NKAIN2: variants seen among roughly 807,000 people sequenced by gnomAD.
NKAIN2 encodes sodium/potassium-transporting ATPase subunit beta-1-interacting protein 2.
In NKAIN2, 14 loss-of-function variants were observed where a neutral mutation model predicts 32.6. That is an observed-to-expected ratio of 0.43 (90% CI 0.28 to 0.67). NKAIN2 has a LOEUF of 0.67. Ranked by LOEUF, NKAIN2 falls within the 30% of genes least tolerant of loss-of-function variation. NKAIN2 has a pLI of 0.17. For synonymous variants in NKAIN2, 80 were observed against 87.2 expected, an observed-to-expected ratio of 0.92 and a Z score of 0.46; for missense variants, 198 against 258.3, an observed-to-expected ratio of 0.77 and a Z score of 1.60.
chr6:123,983,370 A>T (rs1035833551), intron 1 of NKAIN2, among the ~76,000 whole-genome samples: 3 of 152,020 alleles, frequency 2.0e-5, no homozygotes, highest in Non-Finnish European at 4.4e-5. Context: ...GTTAGATGGA[A>T]CTCTGATGAG....
intron 3 of NKAIN2, among the ~76,000 whole-genome samples, chr6:124,626,712 T>G (rs1360852225): frequency 6.6e-6 from 1 of 151,988 alleles, no homozygotes; most frequent in African/African-American, 2.4e-5. Context: ...GTGTTGGGGG[T>G]ATATTCAGGG....
intron 2 of NKAIN2, among the ~76,000 whole-genome samples, chr6:124,312,658 C>T (rs1057392724): frequency 1.3e-5 from 2 of 152,116 alleles, no homozygotes; most frequent in South Asian, 2.1e-4. Context: ...CTCTTCATAC[C>T]GTGTCCTCTT....
chr6:123,804,332 C>G, intron 1 of NKAIN2, 78 bp downstream of exon 1: 1 of 1,209,166 alleles, frequency 8.3e-7, no homozygotes, highest in Admixed American at 1.7e-5. Flanking sequence ...AAGGGTCTGC[C>G]ATTGACTAGA....
At chr6:124,216,324 ATT>A (rs1466628195) in intron 1 of NKAIN2, among the ~76,000 whole-genome samples, 1 of 152,130 alleles carries the variant, frequency 6.6e-6, no homozygotes, top group African/African-American at 2.4e-5. Context: ...GTCAATTTTT[ATT>A]GTTTGCTAAT....
rs578059034 is a variant in NKAIN2 at position 124,359,723 on chromosome 6, G to A, written c.273+4376G>A. The stretch of plus-strand genomic sequence containing the variant: ...TACAATGATGTCATCTGCGAACAGG[G>A]ACAATTTGACTTCCTCTTTTCCTAA... On this transcript the variant is annotated intron_variant, in intron 3 of 6. Coordinates refer to ENST00000368417, the MANE Select transcript of NKAIN2 (RefSeq NM_001040214.3). Among the ~76,000 whole-genome samples the A allele has an allele frequency of 5.8e-4, 88 of 152,220 alleles. No individual in the cohort carries two copies. The South Asian group carries it at 0.017, about 30-fold the overall frequency.
chr6:124,409,093 GC>G lies in NKAIN2; in HGVS notation c.273+53747del, dbSNP rs1562163923. On this transcript the variant is annotated intron_variant, in intron 3 of 6. Coordinates refer to ENST00000368417, the MANE Select transcript of NKAIN2 (RefSeq NM_001040214.3). ...GCCTATCAGCTTAAGGAGATTGTGGGCTGAGACAATGGGGTTTTCTAGATAT... is the reference window on the plus strand; with the variant it reads ...GCCTATCAGCTTAAGGAGATTGTGGGTGAGACAATGGGGTTTTCTAGATAT... Among the ~76,000 whole-genome samples, 4 of 152,290 alleles carry G rather than the reference GC, an allele frequency of 2.6e-5. No individual in the cohort carries two copies. The East Asian group carries it at 7.7e-4, about 29-fold the overall frequency.
chr6:124,765,781 A>G (rs1778488557), intron 4 of NKAIN2, among the ~76,000 whole-genome samples: 1 of 152,176 alleles, frequency 6.6e-6, no homozygotes, highest in Admixed American at 6.5e-5. Flanking sequence ...TCATTAAATT[A>G]AACTATAGCA....
intron 5 of NKAIN2, among the ~76,000 whole-genome samples, chr6:124,817,356 G>A (rs890675930): frequency 7.9e-5 from 12 of 152,074 alleles, no homozygotes; most frequent in Middle Eastern, 3.4e-3. Context: ...TGGACACCCC[G>A]ATTGAAAGGT....
intron 3 of NKAIN2, among the ~76,000 whole-genome samples, chr6:124,384,069 T>C (rs544093225): frequency 1.3e-5 from 2 of 152,282 alleles, no homozygotes; most frequent in African/African-American, 4.8e-5. Flanking sequence ...GTATTAGCCA[T>C]TCTCTAGGAA....
intron 4 of NKAIN2, among the ~76,000 whole-genome samples, chr6:124,672,641 C>T (rs552596573): frequency 6.6e-6 from 1 of 151,762 alleles, no homozygotes; most frequent in African/African-American, 2.4e-5. Context: ...TTCTTTGGGG[C>T]TCTCTGGAAA....
At position 124,759,601 on chromosome 6, in the gene NKAIN2, ACACACACACACACACACACACACAC is replaced by A. The variant is rs1370464886; in HGVS notation, c.475-31737_475-31713del. 2.1e-4 allele frequency among the ~76,000 whole-genome samples: 7 copies of A among 32,840 alleles called. No homozygotes were observed. In the East Asian group the frequency reaches 2.8e-3, roughly 13 times the overall value. 21.5% of individuals were successfully genotyped at this position (32,840 alleles called of 152,430 possible). ...GTCTGAAATTGCAACACACACACAC[ACACACACACACACACACACACACAC>A]ACACACACACACACACACACACACA... On this transcript the variant is annotated intron_variant, in intron 4 of 6. Coordinates refer to ENST00000368417, the MANE Select transcript of NKAIN2 (RefSeq NM_001040214.3).
chr6:124,783,060 G>A (rs1369108195), intron 4 of NKAIN2, among the ~76,000 whole-genome samples: 1 of 152,086 alleles, frequency 6.6e-6, no homozygotes, highest in African/African-American at 2.4e-5. Context: ...ACCGGCACAT[G>A]TATGGAATGG....
At chr6:124,806,567 G>C (rs1431767119) in intron 5 of NKAIN2, among the ~76,000 whole-genome samples, 1 of 151,892 alleles carries the variant, frequency 6.6e-6, no homozygotes, top group African/African-American at 2.4e-5. Flanking sequence ...AGACTAGGAA[G>C]AAACTGCATC....
chr6:124,179,883 A>G (rs1415988887), intron 1 of NKAIN2, among the ~76,000 whole-genome samples: 1 of 152,244 alleles, frequency 6.6e-6, no homozygotes, highest in African/African-American at 2.4e-5. Flanking sequence ...ATAATTAACT[A>G]TGTCTAATTT....
chr6:124,626,647 C>T (rs552563298), intron 3 of NKAIN2, among the ~76,000 whole-genome samples: 2 of 152,188 alleles, frequency 1.3e-5, no homozygotes, highest in South Asian at 4.2e-4. Flanking sequence ...AACTGAAAGC[C>T]GCCCTCTATT....
intron 3 of NKAIN2, among the ~76,000 whole-genome samples, chr6:124,414,752 C>G (rs62436318): frequency 0.045 from 6,791 of 152,076 alleles, 253 homozygotes; most frequent in Non-Finnish European, 0.065. Flanking sequence ...AAGGAATTTG[C>G]ACATTTGATT....
intron 1 of NKAIN2, among the ~76,000 whole-genome samples, chr6:124,180,576 G>A (rs1401525913): frequency 6.6e-6 from 1 of 152,120 alleles, no homozygotes; most frequent in Non-Finnish European, 1.5e-5. Flanking sequence ...CAAATCTCAT[G>A]TCCTCACATT....
chr6:124,121,065 A>T (rs538265171), intron 1 of NKAIN2, among the ~76,000 whole-genome samples: 1 of 152,242 alleles, frequency 6.6e-6, no homozygotes, highest in South Asian at 2.1e-4. Context: ...AGCTAAACCG[A>T]ATGTTCCTGA....
At chr6:124,787,818 C>T (rs1393633635) in intron 4 of NKAIN2, among the ~76,000 whole-genome samples, 2 of 152,066 alleles carry the variant, frequency 1.3e-5, no homozygotes, top group Non-Finnish European at 2.9e-5. Flanking sequence ...CACAGCTTTG[C>T]TTCCATTATT....
Sources: allele counts gnomAD v4.1 joint callset (sites outside exome capture counted in the v4.1 genomes callset), GRCh38; gene constraint gnomAD v4.1.1; transcripts MANE v1.5; gene names NCBI Gene and HGNC (gene_info 2026-07-23, HGNC 2026-07-21).